Variants in PRR16 observed in about 807,000 individuals in gnomAD.
The protein encoded by PRR16 is proline rich 16, also known as protein Largen.
PRR16 carries 6 observed loss-of-function variants against 18.2 expected under a neutral mutation model. The observed-to-expected ratio is 0.33, with a 90% CI of 0.18 to 0.65. The LOEUF (loss-of-function observed/expected upper bound fraction) is 0.65, where lower values mean the gene tolerates loss of function less well. Among genes scored for constraint, PRR16 ranks in the 30% least tolerant of loss-of-function variants. The pLI is 0.74. For synonymous variants in PRR16, 151 were observed against 147.8 expected, an observed-to-expected ratio of 1.02 and a Z score of -0.16; for missense variants, 412 against 376.6, an observed-to-expected ratio of 1.09 and a Z score of -0.78.
intron 1 of PRR16, among the ~76,000 whole-genome samples, chr5:120,611,451 G>C (rs1754330387): frequency 6.6e-6 from 1 of 152,188 alleles, no homozygotes; most frequent in Admixed American, 6.5e-5. Context: ...GGAAAAAGTG[G>C]TTTTGTAGGC....
chr5:120,687,547 T>C (rs1473343091), downstream of PRR16, among the ~76,000 whole-genome samples: 1 of 152,212 alleles, frequency 6.6e-6, no homozygotes, highest in African/African-American at 2.4e-5. Flanking sequence ...TGCCAAGCCC[T>C]CCTCATACTC....
At chr5:120,676,406 G>A (rs1756798305) in intron 1 of PRR16, among the ~76,000 whole-genome samples, 1 of 152,016 alleles carries the variant, frequency 6.6e-6, no homozygotes, top group Non-Finnish European at 1.5e-5. Context: ...ATTTGGACAT[G>A]AAAATGGAGC....
At chr5:120,515,723 C>T (rs376542175) in intron 1 of PRR16, among the ~76,000 whole-genome samples, 3 of 152,122 alleles carry the variant, frequency 2.0e-5, no homozygotes, top group East Asian at 1.9e-4. Context: ...ATGATAAATA[C>T]AGCATGTTTC....
intron 1 of PRR16, among the ~76,000 whole-genome samples, chr5:120,602,896 G>T (rs182697226): frequency 3.3e-5 from 5 of 152,004 alleles, no homozygotes; most frequent in Non-Finnish European, 5.9e-5. Context: ...AACCATCATC[G>T]CATCTCAGGG....
At chr5:120,490,076 C>T (rs2112824948) in intron 1 of PRR16, among the ~76,000 whole-genome samples, 2 of 152,206 alleles carry the variant, frequency 1.3e-5, no homozygotes, top group South Asian at 2.1e-4. Flanking sequence ...TCTCTGGCTG[C>T]CCTTAACCTT....
chr5:120,545,709 CT>C (rs1395237346), intron 1 of PRR16, among the ~76,000 whole-genome samples: 2 of 152,074 alleles, frequency 1.3e-5, no homozygotes, highest in Admixed American at 1.3e-4. Flanking sequence ...CCATATTACA[CT>C]GCTCTTAGTG....
intron 1 of PRR16, among the ~76,000 whole-genome samples, chr5:120,662,057 G>T (rs191567275): frequency 2.2e-3 from 340 of 152,182 alleles, no homozygotes; most frequent in Non-Finnish European, 3.9e-3. Flanking sequence ...CTATAGTCAG[G>T]CCTTGGTAGC....
the PRR16 span, among the ~76,000 whole-genome samples, chr5:120,775,923 C>T: frequency 1.3e-5 from 2 of 150,422 alleles, no homozygotes; most frequent in African/African-American, 4.9e-5. Context: ...GCTGAGATTA[C>T]AGGTGTGAGC....
intron 1 of PRR16, among the ~76,000 whole-genome samples, chr5:120,682,269 C>T (rs1029188915): frequency 6.6e-6 from 1 of 152,172 alleles, no homozygotes; most frequent in Non-Finnish European, 1.5e-5. Context: ...CAGAATGCTT[C>T]ACTAACCTTT....
chr5:120,512,274 G>T (rs1750853206), intron 1 of PRR16, among the ~76,000 whole-genome samples: 1 of 152,062 alleles, frequency 6.6e-6, no homozygotes, highest in Non-Finnish European at 1.5e-5. Flanking sequence ...GACTTTCCTG[G>T]TAGCTTTGAG....
intron 1 of PRR16, among the ~76,000 whole-genome samples, chr5:120,663,245 A>G (rs1324951234): frequency 1.3e-5 from 2 of 152,052 alleles, no homozygotes; most frequent in Non-Finnish European, 2.9e-5. Context: ...CAAACTCAAC[A>G]CAGTGAATTA....
chr5:120,768,184 A>C, the PRR16 span, among the ~76,000 whole-genome samples: 1 of 151,822 alleles, frequency 6.6e-6, no homozygotes, highest in African/African-American at 2.4e-5. Flanking sequence ...ACCTTAATAC[A>C]TATTTTAATT....
At chr5:120,502,180 G>A (rs901812480) in intron 1 of PRR16, among the ~76,000 whole-genome samples, 1 of 150,938 alleles carries the variant, frequency 6.6e-6, no homozygotes, top group African/African-American at 2.4e-5. Context: ...AATAATCAGA[G>A]AAGCATAGAA....
At chr5:120,512,580 C>A (rs1181578864) in intron 1 of PRR16, among the ~76,000 whole-genome samples, 1 of 152,040 alleles carries the variant, frequency 6.6e-6, no homozygotes. Flanking sequence ...CTACCTGTGA[C>A]AAGAATATGG....
chr5:120,594,219 T>C (rs1052275599), intron 1 of PRR16, among the ~76,000 whole-genome samples: 38 of 152,036 alleles, frequency 2.5e-4, no homozygotes, highest in African/African-American at 8.2e-4. Flanking sequence ...ACTATCCCTA[T>C]TTGCAGATGA....
chr5:120,521,124 A>G (rs1170443147), intron 1 of PRR16, among the ~76,000 whole-genome samples: 3 of 152,170 alleles, frequency 2.0e-5, no homozygotes, highest in Non-Finnish European at 4.4e-5. Context: ...TGAGACAAAG[A>G]TCTTTGTTCC....
intron 1 of PRR16, among the ~76,000 whole-genome samples, chr5:120,506,621 A>T (rs1050328901): frequency 2.6e-5 from 4 of 152,098 alleles, no homozygotes; most frequent in African/African-American, 9.7e-5. Context: ...TGGGGCAGGC[A>T]GTCCAGGGAT....
At chr5:120,613,813 T>C (rs978566025) in intron 1 of PRR16, among the ~76,000 whole-genome samples, 1 of 152,202 alleles carries the variant, frequency 6.6e-6, no homozygotes, top group African/African-American at 2.4e-5. Context: ...TTAAGAAATC[T>C]GGACTGAGAA....
At chr5:120,609,568 G>T (rs1459164854) in intron 1 of PRR16, among the ~76,000 whole-genome samples, 1 of 152,098 alleles carries the variant, frequency 6.6e-6, no homozygotes, top group African/African-American at 2.4e-5. Flanking sequence ...AAGTTTCTCA[G>T]TAATATTAAA....
Sources: gnomAD v4.1 joint callset for allele counts (sites outside exome capture counted in the v4.1 genomes callset) on GRCh38, gnomAD v4.1.1 for gene constraint, MANE v1.5 for transcripts, NCBI Gene and HGNC (gene_info 2026-07-23, HGNC 2026-07-21) for gene names.